The following NOL7 variants were observed in gnomAD, a reference collection of about 807,000 sequenced individuals.
NOL7 encodes U3 small nucleolar RNA-associated protein NOL7.
A neutral mutation model predicts 38.4 loss-of-function variants in NOL7; 36 were observed. That is an observed-to-expected ratio of 0.94 (90% CI 0.72 to 1.24). The LOEUF (loss-of-function observed/expected upper bound fraction) is 1.24, where lower values mean the gene tolerates loss of function less well. NOL7 is among the 50% of genes most tolerant of loss of function. NOL7 has a pLI of 0.00. For missense variants in NOL7, 350 were observed against 315.1 expected (o/e 1.11, Z -0.84); for synonymous variants, 142 against 126.5 (o/e 1.12, Z -0.82).
In NOL7 at chr6:13,615,701, C is replaced by T; in HGVS notation, c.267-11C>T. 3 of 1,614,224 alleles carry T rather than the reference C, an allele frequency of 1.9e-6. No homozygotes were observed. Among genetic ancestry groups the T allele is most frequent in the East Asian group, 2.2e-5 (1 of 44,860 alleles). On this transcript the variant is annotated splice_polypyrimidine_tract_variant and intron_variant, in intron 1 of 7. Coordinates refer to ENST00000451315, the MANE Select transcript of NOL7 (RefSeq NM_016167.5). ...TCCTTCCCTTTGCTGACTTATCACC[C>T]TTCCTCCCAGGGATAAAACGCTCCT...
chr6:13,618,214 A>AATATT (rs1764338384), intron 5 of NOL7, 75 bp downstream of exon 5: 1 of 512,266 alleles, frequency 2.0e-6, no homozygotes. Context: ...AACATGGGAA[A>AATATT]ATATTTTATT....
At chr6:13,630,777 T>TA (rs1413648673) in intron 8 of NOL7, among the ~76,000 whole-genome samples, 1 of 152,194 alleles carries the variant, frequency 6.6e-6, no homozygotes, top group Non-Finnish European at 1.5e-5. Flanking sequence ...ACAGCTCACC[T>TA]ATTAAACCAA....
downstream of NOL7, chr6:13,625,722 G>C (rs1161283296): frequency 6.2e-7 from 1 of 1,612,906 alleles, no homozygotes; most frequent in East Asian, 2.2e-5. Flanking sequence ...TTTCCAACTG[G>C]GCTGTTCCAG....
chr6:13,624,885 G>A (rs1371847049), downstream of NOL7, among the ~76,000 whole-genome samples: 1 of 152,164 alleles, frequency 6.6e-6, no homozygotes, highest in Non-Finnish European at 1.5e-5. Context: ...GTACTCACAA[G>A]TCATCAGGAA....
intron 8 of NOL7, among the ~76,000 whole-genome samples, chr6:13,630,601 A>G (rs1764751286): frequency 6.6e-6 from 1 of 152,192 alleles, no homozygotes; most frequent in African/African-American, 2.4e-5. Flanking sequence ...CCTGGGTCCA[A>G]AAACCTTTCA....
intron 4 of NOL7, 111 bp from the exon 5 acceptor site, chr6:13,617,947 T>C: frequency 1.0e-6 from 1 of 993,830 alleles, no homozygotes. Flanking sequence ...TTCATACAAA[T>C]AAAAACTGCA....
Position 13,620,326 on chromosome 6 carries a change from A to G in NOL7, c.619A>G (p.Thr207Ala), listed in dbSNP as rs1333354894. 1 of 1,613,862 alleles carries G rather than the reference A, an allele frequency of 6.2e-7. No homozygotes were observed. Among genetic ancestry groups the G allele is most frequent in the Non-Finnish European group, 8.5e-7 (1 of 1,179,976 alleles). Residue 207 changes from threonine (T) to alanine (A), a missense_variant, in exon 6 of 8, where the codon ACT (threonine) becomes GCT (alanine). Coordinates refer to ENST00000451315, the MANE Select transcript of NOL7 (RefSeq NM_016167.5). ...SLYGPGTNRT[T>A]VNKFLSLANK... ...ATATGGGCCAGGAACCAACAGGACT[A>G]CTGGTAATTTTTTTATGGACTATTT...
chr6:13,627,489 G>A (rs1177320679), intron 8 of NOL7, among the ~76,000 whole-genome samples: 2 of 151,818 alleles, frequency 1.3e-5, no homozygotes, highest in African/African-American at 4.8e-5. Flanking sequence ...AATTAGTCAG[G>A]CATGGTGGTG....
chr6:13,632,179 A>G (rs1013321319), intron 8 of NOL7, among the ~76,000 whole-genome samples: 4 of 104,224 alleles, frequency 3.8e-5, no homozygotes, highest in African/African-American at 7.5e-5. Context: ...CTTTAGTCCA[A>G]TGCTCTTTCC....
downstream of NOL7, among the ~76,000 whole-genome samples, chr6:13,622,645 TGCC>T (rs111493376): frequency 0.012 from 1,753 of 152,356 alleles, 17 homozygotes; most frequent in African/African-American, 0.039. Flanking sequence ...AAAAGACAGA[TGCC>T]GCCTTGGACA....
intron 8 of NOL7, among the ~76,000 whole-genome samples, chr6:13,630,813 A>G (rs986927496): frequency 6.6e-6 from 1 of 152,128 alleles, no homozygotes; most frequent in Non-Finnish European, 1.5e-5. Context: ...ACAAAAAAAT[A>G]TAAAGCAATG....
chr6:13,631,103 C>T (rs549742141), intron 8 of NOL7, among the ~76,000 whole-genome samples: 6 of 152,204 alleles, frequency 3.9e-5, no homozygotes, highest in South Asian at 2.1e-4. Flanking sequence ...CCACCGCGCC[C>T]GGCCTGATTT....
At position 13,620,222 on chromosome 6, in the gene NOL7, AC is replaced by A; in HGVS notation, c.516del (p.Leu173TrpfsTer3). ...TTGATCAACAGCCAGAATAAAAGCT[AC>A]TTGGCCGTAAGGCTAAAAGACCAAG... Reference protein sequence around the residue: ...KVQSVSQNKSYLAVRLKDQDL... With the variant: ...KVQSVSQNKSXLAVRLKDQDL... On this transcript the variant is annotated frameshift_variant, in exon 6 of 8. Coordinates refer to ENST00000451315, the MANE Select transcript of NOL7 (RefSeq NM_016167.5). LOFTEE classifies it high-confidence loss of function. 1 of 1,612,878 alleles carries A rather than the reference AC, an allele frequency of 6.2e-7. No individual in the cohort carries two copies. The highest frequency in any genetic ancestry group is 8.5e-7 in the Non-Finnish European group (1 of 1,179,646).
At position 13,615,500 on chromosome 6, in the gene NOL7, C is replaced by G; in HGVS notation, c.142C>G (p.Pro48Ala). The change falls in exon 1 of 8, where the codon CCC becomes GCC. Residue 48 changes from proline (P) to alanine (A), a missense_variant. Transcript: ENST00000451315. The stretch of plus-strand genomic sequence containing the variant: ...GCCCAGCAGCGGCGCGGCCGCCGAG[C>G]CCCTGGAGGAAGACGAGGAAGGGGA... ...GQPSSGAAAE[P>A]LEEDEEGDDE... The G allele has an allele frequency of 6.4e-7, 1 of 1,553,652 alleles. No individual in the cohort carries two copies. The highest frequency in any genetic ancestry group is 8.7e-7 in the Non-Finnish European group (1 of 1,148,484).
At chr6:13,625,747 T>G (rs1393203333), downstream of NOL7, 2 of 1,608,232 alleles carry the variant, frequency 1.2e-6, no homozygotes, top group Admixed American at 3.3e-5. Flanking sequence ...CTGAATATGC[T>G]AGTAGACTGA....
intron 8 of NOL7, among the ~76,000 whole-genome samples, chr6:13,629,004 T>C (rs1359709551): frequency 2.0e-5 from 3 of 152,166 alleles, no homozygotes; most frequent in African/African-American, 7.2e-5. Flanking sequence ...GAAACAAAGA[T>C]ACATGTATAA....
downstream of NOL7, chr6:13,622,051 C>G (rs556531957): frequency 5.9e-6 from 1 of 170,842 alleles, no homozygotes; most frequent in Non-Finnish European, 1.2e-5. Context: ...CCCTCCCCCA[C>G]AAAGAAGGCA....
Position 13,621,340 on chromosome 6 carries a change from G to A in NOL7, c.*513G>A, listed in dbSNP as rs1173552285. ...CCTTTCTGTGTCAGCCACAATATCA[G>A]GTCTAACCCTAATCCAGGGATGCCA... On this transcript the variant is annotated 3_prime_UTR_variant, in exon 8 of 8. Coordinates refer to ENST00000451315, the MANE Select transcript of NOL7 (RefSeq NM_016167.5). 2 of 152,446 alleles carry A rather than the reference G, an allele frequency of 1.3e-5. No individual in the cohort carries two copies. The highest frequency in any genetic ancestry group is 2.4e-5 in the African/African-American group (1 of 41,396). 9.4% of individuals were successfully genotyped at this position (152,446 alleles called of 1,614,324 possible). A position where few individuals can be genotyped will look rare whatever the true frequency, so the allele number is the denominator to read the frequency against.
chr6:13,615,976 C>T (rs556809728), intron 2 of NOL7, among the ~76,000 whole-genome samples: 49 of 152,140 alleles, frequency 3.2e-4, no homozygotes, highest in African/African-American at 1.0e-3. Flanking sequence ...GTCGAGGCTG[C>T]CTGGAGCCGA....
Sources: gnomAD v4.1 joint callset for allele counts (sites outside exome capture counted in the v4.1 genomes callset) on GRCh38, gnomAD v4.1.1 for gene constraint, MANE v1.5 for transcripts, NCBI Gene and HGNC (gene_info 2026-07-23, HGNC 2026-07-21) for gene names.